The following CYP20A1 variants were observed in gnomAD, a reference collection of about 807,000 sequenced individuals.
CYP20A1 encodes cytochrome P450 family 20 subfamily A member 1.
CYP20A1 carries 61 observed loss-of-function variants against 61.4 expected under a neutral mutation model. That is an observed-to-expected ratio of 0.99 (90% confidence interval 0.81 to 1.23). CYP20A1 has a LOEUF of 1.23. Ranked by LOEUF, CYP20A1 falls within the 50% of genes most tolerant of loss-of-function variation. CYP20A1 has a pLI of 0.00. For synonymous variants in CYP20A1, 193 were observed against 188.2 expected, an observed-to-expected ratio of 1.03 and a Z score of -0.21; for missense variants, 530 against 542.4, an observed-to-expected ratio of 0.98 and a Z score of 0.23.
intron 1 of CYP20A1, among the ~76,000 whole-genome samples, chr2:203,242,626 A>C (rs2066293363): frequency 6.6e-6 from 1 of 152,174 alleles, no homozygotes; most frequent in South Asian, 2.1e-4. Flanking sequence ...TGTCTCTAAA[A>C]TAAATAAATA....
chr2:203,262,256 C>G lies in CYP20A1; in HGVS notation c.433-4258C>G, dbSNP rs2067164012. On this transcript the variant is annotated intron_variant, in intron 4 of 12. Coordinates refer to ENST00000356079, the MANE Select transcript of CYP20A1 (RefSeq NM_177538.3). ...TTTTAAATTAGAGATGGTGGTCTCA[C>G]TATGTTGCCAAGTCTGGCCTCAAAC... Among the ~76,000 whole-genome samples, 2 of 152,118 alleles carry G rather than the reference C, an allele frequency of 1.3e-5. 1 individual carries two copies. The highest frequency in any genetic ancestry group is 4.1e-4 in the South Asian group (2 of 4,828).
chr2:203,283,591 C>T (rs1270809523), intron 8 of CYP20A1, among the ~76,000 whole-genome samples: 2 of 148,740 alleles, frequency 1.3e-5, no homozygotes, highest in Non-Finnish European at 3.0e-5. Context: ...GCTCTGTCAC[C>T]AGGCTGGAGT....
Position 203,298,433 on chromosome 2 carries a change from C to A in CYP20A1, c.*1525C>A. 6.0e-6 allele frequency: 1 copy of A among 165,420 alleles called. No homozygotes were observed. 10.2% of individuals were successfully genotyped at this position (165,420 alleles called of 1,614,324 possible). On this transcript the variant is annotated 3_prime_UTR_variant, in exon 13 of 13. Coordinates refer to ENST00000356079, the MANE Select transcript of CYP20A1 (RefSeq NM_177538.3). ...AAAAGGCCGGGCTCGGTGGCTCATG[C>A]CTATAATACTTTGGGAGGCCGAGGC...
intron 6 of CYP20A1, 137 bp downstream of exon 6, chr2:203,272,885 G>C (rs1172785817): frequency 2.2e-6 from 1 of 450,844 alleles, no homozygotes; most frequent in Non-Finnish European, 3.7e-6. Context: ...GTCTCGCTCT[G>C]TTGCCAGGCT....
At chr2:203,279,852 T>A (rs896385869) in intron 7 of CYP20A1, among the ~76,000 whole-genome samples, 7 of 152,220 alleles carry the variant, frequency 4.6e-5, no homozygotes, top group Non-Finnish European at 8.8e-5. Context: ...TCATCAATTT[T>A]AAAAATATTT....
intron 5 of CYP20A1, among the ~76,000 whole-genome samples, chr2:203,268,776 C>T (rs530365148): frequency 9.2e-5 from 14 of 152,060 alleles, no homozygotes; most frequent in African/African-American, 3.4e-4. Context: ...AAATAATGTA[C>T]ATTGTACCCA....
chr2:203,265,485 A>T (rs2067287953), intron 4 of CYP20A1, among the ~76,000 whole-genome samples: 1 of 152,074 alleles, frequency 6.6e-6, no homozygotes, highest in Non-Finnish European at 1.5e-5. Flanking sequence ...TACACTAATT[A>T]TTCATTTGTC....
At chr2:203,292,760 G>GC (rs2152111364) in intron 11 of CYP20A1, among the ~76,000 whole-genome samples, 1 of 152,082 alleles carries the variant, frequency 6.6e-6, no homozygotes, top group African/African-American at 2.4e-5. Context: ...AGCCTGACCT[G>GC]CATCCCCATT....
chr2:203,272,825 G>A, intron 6 of CYP20A1, 77 bp downstream of exon 6: 1 of 797,680 alleles, frequency 1.3e-6, no homozygotes, highest in African/African-American at 1.8e-5. Flanking sequence ...TCTCTGAATA[G>A]TGAGATTAAA....
At chr2:203,287,215 C>CAAAAAAAAAAAA (rs1168549640) in intron 9 of CYP20A1, among the ~76,000 whole-genome samples, 1 of 47,052 alleles carries the variant, frequency 2.1e-5, no homozygotes, top group Non-Finnish European at 3.7e-5. Flanking sequence ...GACCCTATCT[C>CAAAAAAAAAAAA]AAAAAAAAAA....
rs1197872276 is a variant in CYP20A1, at chr2:203,298,480, G to T, written c.*1572G>T. Among the ~76,000 whole-genome samples the T allele has an allele frequency of 6.7e-6, 1 of 149,608 alleles. No individual in the cohort carries two copies. Among genetic ancestry groups the T allele is most frequent in the African/African-American group, 2.5e-5 (1 of 40,606 alleles). On this transcript the variant is annotated 3_prime_UTR_variant, in exon 13 of 13. Transcript: ENST00000356079. ...AGGCAGGTGGATCAATTGAGGTCAGGTGTTCGAGACCAGCCAGGCCAACTT... is the reference window on the plus strand; with the variant it reads ...AGGCAGGTGGATCAATTGAGGTCAGTTGTTCGAGACCAGCCAGGCCAACTT...
intron 4 of CYP20A1, among the ~76,000 whole-genome samples, chr2:203,266,308 A>G (rs1040159089): frequency 6.6e-6 from 1 of 152,044 alleles, no homozygotes; most frequent in Non-Finnish European, 1.5e-5. Flanking sequence ...TTTGTTTTAC[A>G]TATCAGCCCT....
At chr2:203,287,169 C>T (rs1040179527) in intron 9 of CYP20A1, among the ~76,000 whole-genome samples, 1 of 128,876 alleles carries the variant, frequency 7.8e-6, no homozygotes, top group Non-Finnish European at 1.5e-5. Flanking sequence ...GAGTGAGCTA[C>T]GATCACACCA....
At chr2:203,295,639 C>T (rs933203006) in intron 11 of CYP20A1, among the ~76,000 whole-genome samples, 3 of 152,092 alleles carry the variant, frequency 2.0e-5, no homozygotes, top group Non-Finnish European at 2.9e-5. Context: ...ATATATTTTG[C>T]ATCTATCATT....
chr2:203,240,051 G>A (rs141370792), intron 1 of CYP20A1, among the ~76,000 whole-genome samples: 1 of 152,114 alleles, frequency 6.6e-6, no homozygotes, highest in African/African-American at 2.4e-5. Flanking sequence ...AGCCAAGATC[G>A]CACCACTGCA....
chr2:203,296,358 A>C (rs574049943), intron 11 of CYP20A1, 116 bp from the exon 12 acceptor site: 6 of 584,558 alleles, frequency 1.0e-5, no homozygotes, highest in East Asian at 9.5e-5. Context: ...ATAATGTAAG[A>C]GCACTTTCTA....
At chr2:203,276,833 G>A (rs934628023) in intron 6 of CYP20A1, among the ~76,000 whole-genome samples, 1 of 152,052 alleles carries the variant, frequency 6.6e-6, no homozygotes, top group Non-Finnish European at 1.5e-5. Context: ...GGAAGTGCAC[G>A]GTACATATAT....
At chr2:203,260,800 T>C (rs2067105103) in intron 4 of CYP20A1, among the ~76,000 whole-genome samples, 1 of 152,220 alleles carries the variant, frequency 6.6e-6, no homozygotes, top group Admixed American at 6.5e-5. Context: ...CTAGGATTAC[T>C]AGCATGGGCT....
chr2:203,248,978 T>G (rs2066562079), intron 3 of CYP20A1, among the ~76,000 whole-genome samples: 1 of 152,216 alleles, frequency 6.6e-6, no homozygotes, highest in Non-Finnish European at 1.5e-5. Flanking sequence ...TCCAAAATGC[T>G]GGGATTATAG....
Sources: allele counts gnomAD v4.1 joint callset (sites outside exome capture counted in the v4.1 genomes callset), GRCh38; gene constraint gnomAD v4.1.1; transcripts MANE v1.5; gene names NCBI Gene and HGNC (gene_info 2026-07-23, HGNC 2026-07-21).